RGS7: variants seen among roughly 807,000 people sequenced by gnomAD.
RGS7 encodes regulator of G protein signaling 7.
RGS7 carries 27 observed loss-of-function variants against 81.1 expected under a neutral mutation model. That is an observed-to-expected ratio of 0.33 (90% CI 0.25 to 0.46). The LOEUF (loss-of-function observed/expected upper bound fraction) is 0.46. RGS7 is among the 20% of genes least tolerant of loss of function. The pLI is 1.00. For synonymous variants in RGS7, 208 were observed against 207.7 expected, an observed-to-expected ratio of 1.00 and a Z score of -0.01; for missense variants, 396 against 607.4, an observed-to-expected ratio of 0.65 and a Z score of 3.66.
intron 2 of RGS7, among the ~76,000 whole-genome samples, chr1:241,232,061 C>A (rs191418048): frequency 5.3e-5 from 8 of 152,326 alleles, no homozygotes; most frequent in African/African-American, 1.7e-4. Context: ...ATTGTCCCAG[C>A]ACTATTTGTT....
At chr1:240,831,824 A>T (rs1459522895) in intron 9 of RGS7, among the ~76,000 whole-genome samples, 2 of 151,994 alleles carry the variant, frequency 1.3e-5, no homozygotes, top group Non-Finnish European at 2.9e-5. Flanking sequence ...TTTAGTAGAG[A>T]CAAGGTTTTG....
At chr1:241,142,998 T>G (rs2068043577) in intron 2 of RGS7, among the ~76,000 whole-genome samples, 1 of 152,178 alleles carries the variant, frequency 6.6e-6, no homozygotes, top group African/African-American at 2.4e-5. Flanking sequence ...CACAAATATC[T>G]CAGGCAGGAG....
chr1:240,855,419 CT>C lies in RGS7; in HGVS notation c.609+13167del, dbSNP rs374209449. ...TTTCTTATATTTAGATAATGTCTTC[CT>C]TTTCTTCTTTGTTTCTTCCTTTTTT... On this transcript the variant is annotated intron_variant, in intron 9 of 18. Transcript: ENST00000440928. Among the ~76,000 whole-genome samples the C allele has an allele frequency of 2.1e-3, 317 of 147,870 alleles. 1 individual carries two copies. Among genetic ancestry groups the C allele is most frequent in the Middle Eastern group, 7.0e-3 (2 of 284 alleles).
chr1:241,046,512 AG>A (rs2060939950), intron 3 of RGS7, among the ~76,000 whole-genome samples: 1 of 152,238 alleles, frequency 6.6e-6, no homozygotes, highest in Admixed American at 6.5e-5. Context: ...ATTCAAGTGA[AG>A]GCCTTGAAAA....
At chr1:241,151,035 T>C (rs1381722878) in intron 2 of RGS7, among the ~76,000 whole-genome samples, 1 of 152,148 alleles carries the variant, frequency 6.6e-6, no homozygotes, top group Non-Finnish European at 1.5e-5. Context: ...CCTTCCACCA[T>C]TCTTTTTCTA....
At chr1:241,198,775 T>C (rs1293788903) in intron 2 of RGS7, among the ~76,000 whole-genome samples, 1 of 152,186 alleles carries the variant, frequency 6.6e-6, no homozygotes, top group African/African-American at 2.4e-5. Flanking sequence ...AAAATACCAA[T>C]CTTACGTTAA....
intron 2 of RGS7, among the ~76,000 whole-genome samples, chr1:241,292,241 T>C (rs1045458744): frequency 5.3e-5 from 8 of 152,152 alleles, no homozygotes; most frequent in Non-Finnish European, 1.0e-4. Flanking sequence ...AAAAATACAC[T>C]CTAAATAATG....
intron 3 of RGS7, among the ~76,000 whole-genome samples, chr1:241,023,907 G>A (rs553788): frequency 0.45 from 68,020 of 151,802 alleles, 15,637 homozygotes; most frequent in Middle Eastern, 0.55. Flanking sequence ...CACCATGCCC[G>A]GCTAATTTTG....
chr1:241,040,160 T>C (rs749073549), intron 3 of RGS7, among the ~76,000 whole-genome samples: 2 of 152,212 alleles, frequency 1.3e-5, no homozygotes, highest in Admixed American at 6.5e-5. Flanking sequence ...CCACATCTCC[T>C]TTAGACCCCT....
chr1:240,870,485 G>A (rs543620895), intron 6 of RGS7, among the ~76,000 whole-genome samples: 5 of 152,076 alleles, frequency 3.3e-5, no homozygotes, highest in South Asian at 2.1e-4. Context: ...GACTATAGGC[G>A]TGAGCCACCA....
chr1:241,078,169 T>G (rs1343819836), intron 3 of RGS7, among the ~76,000 whole-genome samples: 1 of 148,824 alleles, frequency 6.7e-6, no homozygotes, highest in Admixed American at 6.8e-5. Context: ...TATTATATAT[T>G]AATATATAAA....
chr1:241,308,132 G>A (rs916665752), intron 2 of RGS7, among the ~76,000 whole-genome samples: 1 of 151,842 alleles, frequency 6.6e-6, no homozygotes, highest in Non-Finnish European at 1.5e-5. Flanking sequence ...GCCAGGCTTT[G>A]CTGTTGCTAG....
chr1:240,807,541 T>C (rs966685681), intron 14 of RGS7, among the ~76,000 whole-genome samples: 1 of 152,222 alleles, frequency 6.6e-6, no homozygotes, highest in Non-Finnish European at 1.5e-5. Context: ...GAGCTAGAAT[T>C]AGAATATCAA....
chr1:241,079,930 G>A (rs1229580775), intron 3 of RGS7, among the ~76,000 whole-genome samples: 3 of 151,994 alleles, frequency 2.0e-5, no homozygotes, highest in Non-Finnish European at 4.4e-5. Context: ...CAGGTCTGTT[G>A]CTTTAAAGAA....
intron 4 of RGS7, among the ~76,000 whole-genome samples, chr1:240,955,143 C>T (rs1239232395): frequency 1.3e-5 from 2 of 152,044 alleles, no homozygotes; most frequent in Non-Finnish European, 2.9e-5. Flanking sequence ...TTTAAAGATG[C>T]CAATTCATCA....
At chr1:240,910,658 C>T (rs969946101) in intron 6 of RGS7, among the ~76,000 whole-genome samples, 2 of 152,062 alleles carry the variant, frequency 1.3e-5, no homozygotes, top group African/African-American at 2.4e-5. Context: ...ATCTAATCAC[C>T]GTATATTATA....
intron 3 of RGS7, among the ~76,000 whole-genome samples, chr1:241,084,397 T>C (rs1418889883): frequency 6.6e-6 from 1 of 152,166 alleles, no homozygotes; most frequent in Non-Finnish European, 1.5e-5. Flanking sequence ...TGAACAATTC[T>C]TCCATATTTA....
At chr1:241,169,816 GATT>G (rs2070592055) in intron 2 of RGS7, among the ~76,000 whole-genome samples, 2 of 152,102 alleles carry the variant, frequency 1.3e-5, no homozygotes, top group African/African-American at 4.8e-5. Flanking sequence ...GTAAGAAATC[GATT>G]ATGTTTCTTC....
intron 4 of RGS7, among the ~76,000 whole-genome samples, chr1:240,972,260 G>A (rs1227769458): frequency 2.0e-5 from 3 of 151,598 alleles, no homozygotes; most frequent in Non-Finnish European, 2.9e-5. Context: ...TGTTTATTGC[G>A]GCATTATTCA....
Sources: allele counts gnomAD v4.1 joint callset (sites outside exome capture counted in the v4.1 genomes callset), GRCh38; gene constraint gnomAD v4.1.1; transcripts MANE v1.5; gene names NCBI Gene and HGNC (gene_info 2026-07-23, HGNC 2026-07-21).